The following IQSEC1 variants were observed in gnomAD, a reference collection of about 807,000 sequenced individuals.
IQSEC1 encodes IQ motif and SEC7 domain-containing protein 1.
Under a neutral mutation model 91.0 loss-of-function variants are expected in IQSEC1, and 31 were observed. The ratio of observed to expected loss-of-function variants is 0.34; its 90% confidence interval spans 0.26 to 0.46. The LOEUF (loss-of-function observed/expected upper bound fraction) is 0.46. IQSEC1 is among the 20% of genes least tolerant of loss of function. The pLI is 1.00. For missense variants in IQSEC1, 1,388 were observed against 1,575.6 expected (o/e 0.88, Z 2.02); for synonymous variants, 699 against 662.6 (o/e 1.05, Z -0.84).
intron 1 of IQSEC1, among the ~76,000 whole-genome samples, chr3:13,243,343 G>C (rs1695051870): frequency 6.6e-6 from 1 of 152,174 alleles, no homozygotes; most frequent in Non-Finnish European, 1.5e-5. Context: ...GAGCTACCAT[G>C]CCAGCTGACC....
chr3:13,041,109 GC>G (rs1431706755), intron 1 of IQSEC1, among the ~76,000 whole-genome samples: 2 of 152,070 alleles, frequency 1.3e-5, no homozygotes, highest in Non-Finnish European at 2.9e-5. Flanking sequence ...TGCTTCTTTT[GC>G]AGGAGGGATG....
Position 13,144,315 on chromosome 3 carries a change from A to G in IQSEC1, c.302+19789T>C, listed in dbSNP as rs570483523. On this transcript the variant is annotated intron_variant, in intron 2 of 15. Transcript: ENST00000648114. Reference sequence around the variant, plus strand: ...GCCTAGAAAGCCGTGTGCTGTGGCCAAACCCAGCCGTGGATGCCTGATATC... The same window carrying G: ...GCCTAGAAAGCCGTGTGCTGTGGCCGAACCCAGCCGTGGATGCCTGATATC... Among the ~76,000 whole-genome samples the G allele has an allele frequency of 3.9e-5, 6 of 152,320 alleles. No homozygotes were observed. The East Asian group carries it at 1.2e-3, about 29-fold the overall frequency.
At chr3:13,149,462 C>A (rs967061508) in intron 2 of IQSEC1, among the ~76,000 whole-genome samples, 1 of 152,042 alleles carries the variant, frequency 6.6e-6, no homozygotes, top group Non-Finnish European at 1.5e-5. Flanking sequence ...AGGGACAGGA[C>A]CAAATTCCCC....
intron 1 of IQSEC1, among the ~76,000 whole-genome samples, chr3:13,072,591 C>A (rs1335643297): frequency 6.6e-6 from 1 of 152,242 alleles, no homozygotes; most frequent in Non-Finnish European, 1.5e-5. Flanking sequence ...AGCCTGCCTG[C>A]GACCTTCTAT....
intron 6 of IQSEC1, among the ~76,000 whole-genome samples, chr3:12,916,796 A>G (rs1696137630): frequency 6.6e-6 from 1 of 152,244 alleles, no homozygotes; most frequent in Non-Finnish European, 1.5e-5. Flanking sequence ...CATCAGCACG[A>G]CAGACTACTT....
At chr3:13,041,706 CCT>C (rs1222908475) in intron 1 of IQSEC1, among the ~76,000 whole-genome samples, 1 of 152,168 alleles carries the variant, frequency 6.6e-6, no homozygotes, top group Non-Finnish European at 1.5e-5. Context: ...GCCTGCAGCC[CCT>C]GTCACCTCAG....
At chr3:13,090,637 G>A (rs189047836) in intron 2 of IQSEC1, among the ~76,000 whole-genome samples, 142 of 152,282 alleles carry the variant, frequency 9.3e-4, no homozygotes, top group Middle Eastern at 3.4e-3. Flanking sequence ...ACGCTGGGCT[G>A]AGAGACTCTA....
At chr3:12,941,512 A>G (rs1355680362) in intron 2 of IQSEC1, 59 bp downstream of exon 2, 16 of 1,440,936 alleles carry the variant, frequency 1.1e-5, no homozygotes, top group African/African-American at 1.4e-5. Flanking sequence ...GGGGGCACAC[A>G]TGGTGGGCAG....
intron 1 of IQSEC1, among the ~76,000 whole-genome samples, chr3:13,064,008 AAAAAAAAC>A (rs999584458): frequency 8.5e-5 from 13 of 152,098 alleles, no homozygotes; most frequent in African/African-American, 2.9e-4. Flanking sequence ...TTGTAAAAAA[AAAAAAAAC>A]AAAAAACAAT....
chr3:13,002,151 T>C (rs527954927), intron 1 of IQSEC1, among the ~76,000 whole-genome samples: 1 of 152,162 alleles, frequency 6.6e-6, no homozygotes, highest in Admixed American at 6.5e-5. Context: ...AAGGATACAT[T>C]TGGGCCCATG....
intron 1 of IQSEC1, among the ~76,000 whole-genome samples, chr3:13,261,661 A>T (rs6442366): frequency 2.6e-5 from 4 of 151,334 alleles, no homozygotes; most frequent in African/African-American, 9.7e-5. Context: ...CTGAGCTCCC[A>T]GGGCAGAGCC....
chr3:12,972,525 C>T (rs1170689131), intron 1 of IQSEC1, among the ~76,000 whole-genome samples: 1 of 152,212 alleles, frequency 6.6e-6, no homozygotes, highest in Non-Finnish European at 1.5e-5. Flanking sequence ...TGGTGTAGCA[C>T]ATTTTGAGCT....
chr3:12,960,603 T>A (rs1232733699), intron 1 of IQSEC1: 2 of 152,224 alleles, frequency 1.3e-5, no homozygotes, highest in Non-Finnish European at 2.9e-5. Context: ...AGAGCTTGAA[T>A]TCGTCATTTT....
intron 1 of IQSEC1, among the ~76,000 whole-genome samples, chr3:13,251,903 G>A (rs1695199026): frequency 6.6e-6 from 1 of 152,122 alleles, no homozygotes. Flanking sequence ...AGACTACAAA[G>A]CCAAAGAAAT....
chr3:13,117,362 G>A (rs144206174), intron 2 of IQSEC1, among the ~76,000 whole-genome samples: 1,569 of 150,620 alleles, frequency 0.01, 23 homozygotes, highest in African/African-American at 0.037. Flanking sequence ...GGAGGCGGGC[G>A]GATCACGAGG....
chr3:13,272,503 GCATCTGTTGACTCCTTAGCCCAGAGA>G (rs1695606168), intron 1 of IQSEC1, among the ~76,000 whole-genome samples: 1 of 152,260 alleles, frequency 6.6e-6, no homozygotes, highest in Non-Finnish European at 1.5e-5. Context: ...CAGTACGGGG[GCATCTGTTGACTCCTTAGCCCAGAGA>G]CTGGCTCACA....
At chr3:12,947,353 G>A (rs1699250431) in intron 1 of IQSEC1, among the ~76,000 whole-genome samples, 1 of 152,146 alleles carries the variant, frequency 6.6e-6, no homozygotes, top group African/African-American at 2.4e-5. Flanking sequence ...CTCCAATCCT[G>A]GCTGGAAGCC....
At chr3:12,980,333 T>C (rs1166840284) in intron 1 of IQSEC1, among the ~76,000 whole-genome samples, 1 of 152,190 alleles carries the variant, frequency 6.6e-6, no homozygotes, top group Non-Finnish European at 1.5e-5. Flanking sequence ...CTTTGGCTGG[T>C]ACAAGAACCT....
chr3:12,976,509 C>T (rs141445810), intron 1 of IQSEC1, among the ~76,000 whole-genome samples: 61 of 152,330 alleles, frequency 4.0e-4, no homozygotes, highest in East Asian at 2.3e-3. Flanking sequence ...CAAGCCCCAC[C>T]CTCAGGCATA....
Sources: allele counts gnomAD v4.1 joint callset (sites outside exome capture counted in the v4.1 genomes callset), GRCh38; gene constraint gnomAD v4.1.1; transcripts MANE v1.5; gene names NCBI Gene and HGNC (gene_info 2026-07-23, HGNC 2026-07-21).